Variants in SEC16B observed in about 807,000 individuals in gnomAD.
SEC16B encodes the protein protein transport protein Sec16B.
SEC16B carries 115 observed loss-of-function variants against 141.8 expected under a neutral mutation model. The observed-to-expected ratio is 0.81, with a 90% confidence interval of 0.70 to 0.95. The LOEUF is 0.95. SEC16B is among the 40% of genes least tolerant of loss of function. SEC16B has a pLI of 0.00. For synonymous variants in SEC16B, 493 were observed against 492.5 expected (o/e 1.00, Z -0.01); for missense variants, 1,291 against 1,312.3 (o/e 0.98, Z 0.25).
Position 177,933,243 on chromosome 1 carries a change from C to T in SEC16B, c.2794G>A (p.Glu932Lys), listed in dbSNP as rs370328506. Residue 932 changes from glutamate to lysine, a missense_variant, in exon 22 of 26, where the codon GAG (glutamate) becomes AAG (lysine). By Grantham distance (56) the Glu-to-Lys change is moderately conservative. Coordinates refer to ENST00000308284, the MANE Select transcript of SEC16B (RefSeq NM_033127.4). The stretch of plus-strand genomic sequence containing the variant: ...GAGTCAGGGCTGTCTGAGGAGTCCT[C>T]GTCTCCAGCGGGGGATGCGTTCTTG... ...PTKNASPAGDEDSSDSPDSEE... is the reference protein window; with the variant it reads ...PTKNASPAGDKDSSDSPDSEE... 3.8e-6 allele frequency: 6 copies of T among 1,592,718 alleles called. No homozygotes were observed. The highest frequency in any genetic ancestry group is 4.3e-6 in the Non-Finnish European group (5 of 1,169,556).
intron 5 of SEC16B, among the ~76,000 whole-genome samples, chr1:177,963,378 G>A (rs1653237501): frequency 6.6e-6 from 1 of 151,858 alleles, no homozygotes; most frequent in Admixed American, 6.6e-5. Context: ...GCCGAGGTGG[G>A]TGGATCACAA....
chr1:177,960,983 C>T (rs775910436), intron 6 of SEC16B, 44 bp from the exon 7 acceptor site: 6 of 1,568,974 alleles, frequency 3.8e-6, no homozygotes, highest in Admixed American at 3.4e-5. Context: ...GCGTTACTTC[C>T]ATCACTTTTC....
intron 24 of SEC16B, among the ~76,000 whole-genome samples, chr1:177,930,845 T>C (rs1467013778): frequency 6.6e-6 from 1 of 152,126 alleles, no homozygotes; most frequent in Non-Finnish European, 1.5e-5. Flanking sequence ...ATGTTCAACA[T>C]CAATAATCAT....
intron 1 of SEC16B, among the ~76,000 whole-genome samples, chr1:177,982,814 A>C (rs1654474416): frequency 6.6e-6 from 1 of 152,222 alleles, no homozygotes. Context: ...CTTAAGAGTC[A>C]GGCTGTTGTG....
chr1:177,968,772 G>A (rs1653750300), intron 1 of SEC16B, among the ~76,000 whole-genome samples: 1 of 152,094 alleles, frequency 6.6e-6, no homozygotes, highest in African/African-American at 2.4e-5. Flanking sequence ...ATATAATATG[G>A]TCATACCTGC....
upstream of SEC16B, among the ~76,000 whole-genome samples, chr1:177,970,418 G>A (rs1030756860): frequency 3.3e-5 from 5 of 152,216 alleles, no homozygotes; most frequent in South Asian, 1.0e-3. Flanking sequence ...TTACGGGGCT[G>A]AAATGTTGGT....
rs1413086271 is a variant in SEC16B at position 177,928,799 on chromosome 1, A to T, written c.*1059T>A. The T allele has an allele frequency of 1.3e-5, 2 of 152,186 alleles. No individual in the cohort carries two copies. Among genetic ancestry groups the T allele is most frequent in the Non-Finnish European group, 2.9e-5 (2 of 68,032 alleles). The allele number at this position is 152,186 out of a possible 1,614,324, so 9.4% of individuals were successfully genotyped here. ...GCCAGAGACAAGCATTTGCTATAAA[A>T]TTATCTGGGTTTAATTATTATCAAT... On this transcript the variant is annotated 3_prime_UTR_variant, in exon 26 of 26. Coordinates refer to ENST00000308284, the MANE Select transcript of SEC16B (RefSeq NM_033127.4).
intron 1 of SEC16B, among the ~76,000 whole-genome samples, chr1:177,968,387 C>T (rs564087974): frequency 2.0e-4 from 31 of 152,168 alleles, no homozygotes; most frequent in Non-Finnish European, 4.4e-4. Context: ...GTTTATTTAA[C>T]ACTTACAGCG....
At chr1:177,961,560 A>G (rs1325768422) in intron 6 of SEC16B, 30 bp downstream of exon 6, 3 of 1,582,446 alleles carry the variant, frequency 1.9e-6, no homozygotes, top group Admixed American at 1.9e-5. Context: ...ATCAGATTCA[A>G]TCAACTCTTC....
At chr1:177,981,210 TCA>T (rs1486376116) in intron 1 of SEC16B, among the ~76,000 whole-genome samples, 2 of 152,110 alleles carry the variant, frequency 1.3e-5, no homozygotes, top group African/African-American at 4.8e-5. Flanking sequence ...TAATAAATTA[TCA>T]GTTTTACTTT....
At chr1:177,982,579 G>A (rs575487224) in intron 1 of SEC16B, among the ~76,000 whole-genome samples, 2 of 152,258 alleles carry the variant, frequency 1.3e-5, no homozygotes, top group Admixed American at 6.5e-5. Flanking sequence ...TTCTACTAAC[G>A]TGTTATGAAT....
chr1:177,962,197 C>T (rs1653122373), intron 5 of SEC16B, among the ~76,000 whole-genome samples: 1 of 152,022 alleles, frequency 6.6e-6, no homozygotes, highest in African/African-American at 2.4e-5. Flanking sequence ...CCTCAGCCTC[C>T]CAAGTAGCTA....
At chr1:177,937,108 C>G in intron 19 of SEC16B, 106 bp downstream of exon 19, 2 of 1,294,028 alleles carry the variant, frequency 1.5e-6, no homozygotes, top group South Asian at 3.0e-5. Context: ...GTGTCTTTCC[C>G]AGCTCCAACC....
In SEC16B at chr1:177,968,025, A is replaced by G. The variant is rs377248557; in HGVS notation, c.-44T>C. The stretch of plus-strand genomic sequence containing the variant: ...GTCCTGGGTTTTGAGTAAGTTGTGC[A>G]GTTATTTTATCTTCCTGCAGACAAA... On this transcript the variant is annotated 5_prime_UTR_variant, in exon 2 of 26. Transcript: ENST00000308284. 120 of 1,529,302 alleles carry G rather than the reference A, an allele frequency of 7.8e-5. 1 individual carries two copies. The South Asian group carries it at 1.4e-3, about 18-fold the overall frequency. 94.7% of individuals were successfully genotyped at this position (1,529,302 alleles called of 1,614,324 possible).
chr1:177,952,721 G>T (rs1652292567), intron 11 of SEC16B, among the ~76,000 whole-genome samples: 2 of 152,188 alleles, frequency 1.3e-5, no homozygotes, highest in African/African-American at 4.8e-5. Flanking sequence ...GTGGGGCTGT[G>T]GGACGTTCAT....
In SEC16B at chr1:177,939,713, C is replaced by A. The variant is rs376869367; in HGVS notation, c.2192G>T (p.Gly731Val). 3 of 1,594,760 alleles carry A rather than the reference C, an allele frequency of 1.9e-6. No individual in the cohort carries two copies. The highest frequency in any genetic ancestry group is 2.6e-6 in the Non-Finnish European group (3 of 1,169,452). ...ATCATTTTGGGTACCTGTTGTTGTT[C>A]CTCCGGCTCCCGAAATATCTGAGCG... ...PTRSDISGAGGTTTENTFYQD... is the reference protein window; with the variant it reads ...PTRSDISGAGVTTTENTFYQD... The change falls in exon 18 of 26, where the codon GGA (glycine) becomes GTA (valine). Residue 731 changes from glycine (G) to valine (V), a missense_variant. Gly to Val is a moderately radical substitution (Grantham distance 109). This residue lies in a region of SEC16B where 605 missense variants were observed against 614.1 expected (regional missense o/e 0.99). Transcript: ENST00000308284.
Position 177,960,385 on chromosome 1 carries a change from C to T in SEC16B, c.955G>A (p.Glu319Lys), listed in dbSNP as rs902343637. ...HSMEVILNDS[E>K]EQEEMRSFSG... ...AAACTTCTCATCTCCTCTTGCTCTT[C>T]GGAATCATTAAGAATAACCTGGAAT... The change falls in exon 8 of 26, where the codon GAA (glutamate) becomes AAA (lysine). Residue 319 changes from glutamate to lysine, a missense_variant. By Grantham distance (56) the Glu-to-Lys change is moderately conservative. Around this residue, in one of 3 missense-constraint regions of SEC16B, gnomAD observed 681 missense variants for 675.5 expected, o/e 1.01. Coordinates refer to ENST00000308284, the MANE Select transcript of SEC16B (RefSeq NM_033127.4). 26 of 1,602,260 alleles carry T rather than the reference C, an allele frequency of 1.6e-5. No individual in the cohort carries two copies. The highest frequency in any genetic ancestry group is 8.0e-5 in the African/African-American group (6 of 74,766).
At chr1:177,944,490 G>T in intron 15 of SEC16B, 71 bp downstream of exon 15, 2 of 1,274,830 alleles carry the variant, frequency 1.6e-6, no homozygotes, top group Non-Finnish European at 2.2e-6. Context: ...GTGCCAAAAA[G>T]CAAAGCTGCA....
At chr1:177,946,191 C>T in intron 14 of SEC16B, 1 of 613,224 alleles carries the variant, frequency 1.6e-6, no homozygotes, top group Admixed American at 2.7e-5. Context: ...ATCAGCCCAC[C>T]TCTTTGCAGA....
Sources: allele counts gnomAD v4.1 joint callset (sites outside exome capture counted in the v4.1 genomes callset), GRCh38; gene constraint gnomAD v4.1.1; regional missense constraint gnomAD v4.1.1; transcripts MANE v1.5; gene names NCBI Gene and HGNC (gene_info 2026-07-23, HGNC 2026-07-21).